The following NUBPL variants were observed in gnomAD, a reference collection of about 807,000 sequenced individuals.
NUBPL encodes NUBP iron-sulfur cluster assembly factor, mitochondrial.
In NUBPL, 31 loss-of-function variants were observed where a neutral mutation model predicts 45.7. That is an observed-to-expected ratio of 0.68 (90% CI 0.51 to 0.92). The LOEUF (loss-of-function observed/expected upper bound fraction) is 0.92, where lower values mean the gene tolerates loss of function less well. NUBPL is among the 40% of genes least tolerant of loss of function. NUBPL has a pLI of 0.00. For missense variants in NUBPL, 401 were observed against 398.7 expected (o/e 1.01, Z -0.05); for synonymous variants, 144 against 140.9 (o/e 1.02, Z -0.15).
intron 8 of NUBPL, among the ~76,000 whole-genome samples, chr14:31,832,557 A>T (rs1178918022): frequency 2.6e-5 from 4 of 152,184 alleles, no homozygotes; most frequent in African/African-American, 9.7e-5. Flanking sequence ...GTCAAGGAAG[A>T]AACTGGTAAA....
At chr14:31,689,538 G>C (rs930389425) in intron 6 of NUBPL, among the ~76,000 whole-genome samples, 1 of 151,924 alleles carries the variant, frequency 6.6e-6, no homozygotes, top group Non-Finnish European at 1.5e-5. Context: ...ATTTGTTTAA[G>C]TTCCTTACAG....
intron 4 of NUBPL, among the ~76,000 whole-genome samples, chr14:31,644,866 T>C (rs1222731409): frequency 6.6e-6 from 1 of 152,144 alleles, no homozygotes; most frequent in African/African-American, 2.4e-5. Flanking sequence ...TATTATATCT[T>C]CTTGGTAATT....
rs573558315 is a variant in NUBPL, at chr14:31,835,461, A to G, written c.693+8747A>G. On this transcript the variant is annotated intron_variant, in intron 8 of 10. Transcript: ENST00000281081. ...CCATCATATAGGGATGATAATACCC[A>G]TCTCATTGGTCACTATGGCAGTGAA... Among the ~76,000 whole-genome samples the G allele has an allele frequency of 1.1e-4, 17 of 152,344 alleles. No homozygotes were observed. The South Asian group carries it at 3.3e-3, about 30-fold the overall frequency.
chr14:31,775,396 C>T (rs576754822), intron 6 of NUBPL, among the ~76,000 whole-genome samples: 96 of 151,986 alleles, frequency 6.3e-4, no homozygotes, highest in Admixed American at 3.2e-3. Flanking sequence ...TCAGCCTGGG[C>T]GACAAGAGCA....
chr14:31,693,800 T>TAAAAAAAAAAAAAAAAAAAAA (rs60070958), intron 6 of NUBPL, among the ~76,000 whole-genome samples: 1 of 94,602 alleles, frequency 1.1e-5, no homozygotes, highest in Non-Finnish European at 1.9e-5. Context: ...AAGACAAAAT[T>TAAAAAAAAAAAAAAAAAAAAA]AAAAAAAAAA....
In NUBPL at chr14:31,632,134, C is replaced by A; in HGVS notation, c.382+32755C>A. ...TTCCAACCAAAACACATAGCATATTCAGAATAATTTGAGAGGGACTATTTA... is the reference window on the plus strand; with the variant it reads ...TTCCAACCAAAACACATAGCATATTAAGAATAATTTGAGAGGGACTATTTA... On this transcript the variant is annotated intron_variant, in intron 4 of 10. Coordinates refer to ENST00000281081, the MANE Select transcript of NUBPL (RefSeq NM_025152.3). Among the ~76,000 whole-genome samples the A allele has an allele frequency of 1.3e-5, 2 of 152,038 alleles. 1 individual carries two copies. Among genetic ancestry groups the A allele is most frequent in the Middle Eastern group, 6.3e-3 (2 of 316 alleles).
intron 8 of NUBPL, among the ~76,000 whole-genome samples, chr14:31,840,408 C>G (rs957767778): frequency 1.3e-5 from 2 of 151,946 alleles, no homozygotes; most frequent in African/African-American, 4.8e-5. Context: ...CCCATCTCTA[C>G]TAGAAATACA....
intron 7 of NUBPL, among the ~76,000 whole-genome samples, chr14:31,790,915 C>T (rs1256309016): frequency 6.6e-6 from 1 of 152,066 alleles, no homozygotes; most frequent in African/African-American, 2.4e-5. Flanking sequence ...CCCTGATAAC[C>T]ACTATTCTTA....
intron 6 of NUBPL, among the ~76,000 whole-genome samples, chr14:31,676,873 T>A (rs2036712293): frequency 6.6e-6 from 1 of 152,042 alleles, no homozygotes; most frequent in South Asian, 2.1e-4. Flanking sequence ...TATCCCAGTC[T>A]GTGGCTTGTC....
chr14:31,722,637 G>T (rs1466319194), intron 6 of NUBPL, among the ~76,000 whole-genome samples: 2 of 152,140 alleles, frequency 1.3e-5, no homozygotes, highest in African/African-American at 4.8e-5. Flanking sequence ...ATTCTGATTG[G>T]TGTGAGATGG....
chr14:31,813,369 C>T (rs1336825521), intron 7 of NUBPL, among the ~76,000 whole-genome samples: 3 of 151,630 alleles, frequency 2.0e-5, no homozygotes, highest in African/African-American at 7.3e-5. Context: ...TACTGAAGAG[C>T]CAGTATTTGT....
intron 8 of NUBPL, among the ~76,000 whole-genome samples, chr14:31,842,213 A>G (rs1473427367): frequency 6.6e-6 from 1 of 151,822 alleles, no homozygotes; most frequent in Non-Finnish European, 1.5e-5. Context: ...AGCATAAGCC[A>G]CCACGTCTGG....
chr14:31,682,589 T>C (rs1420507545), intron 6 of NUBPL, among the ~76,000 whole-genome samples: 2 of 152,222 alleles, frequency 1.3e-5, no homozygotes, highest in East Asian at 3.8e-4. Flanking sequence ...TTTTTTCTTT[T>C]TTCTTACGTT....
intron 6 of NUBPL, among the ~76,000 whole-genome samples, chr14:31,745,567 T>TCCG (rs2038381010): frequency 1.3e-5 from 2 of 152,136 alleles, no homozygotes; most frequent in African/African-American, 4.8e-5. Context: ...GTGCTGGTGT[T>TCCG]GATTTCTTTT....
At chr14:31,578,280 G>A (rs1015110735) in intron 3 of NUBPL, among the ~76,000 whole-genome samples, 2 of 152,128 alleles carry the variant, frequency 1.3e-5, no homozygotes, top group African/African-American at 4.8e-5. Context: ...TAGGAAAGTG[G>A]GCAAGTATTA....
At chr14:31,782,462 T>C (rs2039208939) in intron 6 of NUBPL, among the ~76,000 whole-genome samples, 1 of 152,042 alleles carries the variant, frequency 6.6e-6, no homozygotes, top group Non-Finnish European at 1.5e-5. Context: ...TAAATTAGAA[T>C]TTTTAACTCT....
At position 31,826,636 on chromosome 14, in the gene NUBPL, G is replaced by C. The variant is rs1241961867; in HGVS notation, c.615G>C (p.Val205=). The part of the protein sequence containing the change: ...VSQNIPITGA[V]IVSTPQDIAL... ...TTGTTTATCTTTGGCTAGGTGCTGT[G>C]ATTGTCTCCACGCCCCAGGACATCG... Residue 205 remains valine (V), a synonymous_variant, in exon 8 of 11, where the codon GTG becomes GTC. Coordinates refer to ENST00000281081, the MANE Select transcript of NUBPL (RefSeq NM_025152.3). 1 of 1,614,080 alleles carries C rather than the reference G, an allele frequency of 6.2e-7. No homozygotes were observed. Among genetic ancestry groups the C allele is most frequent in the Non-Finnish European group, 8.5e-7 (1 of 1,179,946 alleles).
At chr14:31,838,279 CAA>C (rs748313330) in intron 8 of NUBPL, among the ~76,000 whole-genome samples, 1,274 of 60,254 alleles carry the variant, frequency 0.021, 15 homozygotes, top group African/African-American at 0.06. Context: ...TAATATCCAG[CAA>C]AAAAAAAAAA....
At chr14:31,681,130 T>C (rs1434557707) in intron 6 of NUBPL, among the ~76,000 whole-genome samples, 1 of 152,130 alleles carries the variant, frequency 6.6e-6, no homozygotes, top group East Asian at 1.9e-4. Flanking sequence ...GTAAAAAATT[T>C]ATTAGCTTTG....
Sources: allele counts gnomAD v4.1 joint callset (sites outside exome capture counted in the v4.1 genomes callset), GRCh38; gene constraint gnomAD v4.1.1; transcripts MANE v1.5; gene names NCBI Gene and HGNC (gene_info 2026-07-23, HGNC 2026-07-21).